Variants in DYM observed in about 807,000 individuals in gnomAD.
DYM encodes dyggve-Melchior-Clausen syndrome protein.
Under a neutral mutation model 93.1 loss-of-function variants are expected in DYM, and 78 were observed. That is an observed-to-expected ratio of 0.84 (90% CI 0.70 to 1.01). The LOEUF is 1.01. Among genes scored for constraint, DYM ranks in the 50% least tolerant of loss-of-function variants. The pLI is 0.00. For missense variants in DYM, 789 were observed against 845.0 expected, an observed-to-expected ratio of 0.93 and a Z score of 0.82; for synonymous variants, 321 against 319.7, an observed-to-expected ratio of 1.00 and a Z score of -0.04.
chr18:49,286,307 T>TC, intron 9 of DYM, 127 bp downstream of exon 9: 1 of 1,089,140 alleles, frequency 9.2e-7, no homozygotes, highest in East Asian at 2.4e-5. Flanking sequence ...CTAAAGTTTT[T>TC]CTCATGTTTG....
intron 14 of DYM, among the ~76,000 whole-genome samples, chr18:49,187,855 C>A (rs951979409): frequency 2.0e-5 from 3 of 152,122 alleles, no homozygotes; most frequent in Non-Finnish European, 2.9e-5. Context: ...CATATGGCTT[C>A]TTTATGCTAA....
At chr18:49,262,436 T>C (rs1438767787) in intron 11 of DYM, among the ~76,000 whole-genome samples, 2 of 152,170 alleles carry the variant, frequency 1.3e-5, no homozygotes, top group African/African-American at 4.8e-5. Context: ...CTAAGTATCT[T>C]TCATTTATAT....
intron 2 of DYM, among the ~76,000 whole-genome samples, chr18:49,416,441 A>G (rs2072997752): frequency 6.6e-6 from 1 of 152,188 alleles, no homozygotes; most frequent in African/African-American, 2.4e-5. Context: ...TAGCAAAACA[A>G]TTCCTCTGGA....
chr18:49,445,962 T>G (rs980687747), intron 1 of DYM, among the ~76,000 whole-genome samples: 2 of 152,146 alleles, frequency 1.3e-5, no homozygotes, highest in Non-Finnish European at 2.9e-5. Flanking sequence ...AGAATTCTTA[T>G]ATACCTATAC....
intron 5 of DYM, among the ~76,000 whole-genome samples, chr18:49,368,399 C>T (rs1429337537): frequency 6.6e-6 from 1 of 152,138 alleles, no homozygotes; most frequent in African/African-American, 2.4e-5. Context: ...TCTGCAGATA[C>T]AGATTACAAG....
At chr18:49,131,337 T>C (rs554514575) in intron 15 of DYM, among the ~76,000 whole-genome samples, 4 of 146,836 alleles carry the variant, frequency 2.7e-5, no homozygotes, top group African/African-American at 9.7e-5. Context: ...CTGCCTCTTC[T>C]TTGTTTTTTG....
At chr18:49,317,577 CT>C (rs1279866751) in intron 8 of DYM, among the ~76,000 whole-genome samples, 8 of 11,726 alleles carry the variant, frequency 6.8e-4, no homozygotes, top group African/African-American at 4.7e-3. Flanking sequence ...CTCTCTCTCT[CT>C]CTCTCTCTCT....
intron 15 of DYM, among the ~76,000 whole-genome samples, chr18:49,120,406 A>G (rs2082281774): frequency 6.6e-6 from 1 of 152,206 alleles, no homozygotes. Flanking sequence ...ACGTAAGTCA[A>G]AAGAAAGCAG....
intron 14 of DYM, among the ~76,000 whole-genome samples, chr18:49,197,539 A>G (rs868434429): frequency 3.9e-5 from 6 of 152,048 alleles, no homozygotes; most frequent in South Asian, 2.1e-4. Flanking sequence ...GAAAAAAAGA[A>G]AAACCCCAAA....
At chr18:49,118,676 G>T (rs1481941690) in intron 16 of DYM, 68 bp downstream of exon 16, 1 of 1,407,126 alleles carries the variant, frequency 7.1e-7, no homozygotes, top group Admixed American at 1.7e-5. Flanking sequence ...TCTTACCAAG[G>T]CTTATTAAAC....
intron 8 of DYM, among the ~76,000 whole-genome samples, chr18:49,289,475 G>A (rs1193679869): frequency 6.8e-6 from 1 of 146,360 alleles, no homozygotes; most frequent in African/African-American, 2.5e-5. Flanking sequence ...GCTGAGGCAG[G>A]AGGACTGCTT....
At chr18:49,458,646 G>A (rs146916278) in intron 1 of DYM, among the ~76,000 whole-genome samples, 9 of 152,072 alleles carry the variant, frequency 5.9e-5, no homozygotes, top group African/African-American at 2.2e-4. Flanking sequence ...TGACCAGCCT[G>A]AGCAACATGA....
chr18:49,358,561 T>C (rs958148213), intron 6 of DYM, among the ~76,000 whole-genome samples: 27 of 152,144 alleles, frequency 1.8e-4, no homozygotes, highest in Non-Finnish European at 8.8e-5. Flanking sequence ...CGAAAAAAAC[T>C]ACAAAAAGTT....
chr18:49,162,446 C>T (rs1033034244), intron 15 of DYM, among the ~76,000 whole-genome samples: 2 of 152,158 alleles, frequency 1.3e-5, no homozygotes, highest in African/African-American at 4.8e-5. Flanking sequence ...CTCTCTTCCT[C>T]TTCTTATAAA....
intron 17 of DYM, among the ~76,000 whole-genome samples, chr18:49,089,073 C>T (rs1027062755): frequency 2.6e-5 from 4 of 152,168 alleles, no homozygotes; most frequent in African/African-American, 9.7e-5. Flanking sequence ...GCTGGGATTA[C>T]AGGTATGAGT....
At chr18:49,287,306 CGA>C (rs1012923378) in intron 8 of DYM, among the ~76,000 whole-genome samples, 2 of 150,394 alleles carry the variant, frequency 1.3e-5, no homozygotes, top group African/African-American at 4.9e-5. Flanking sequence ...ATGGTCATCT[CGA>C]GAGTTTCCAC....
chr18:49,401,881 C>G (rs1158839138), intron 2 of DYM, among the ~76,000 whole-genome samples: 1 of 151,970 alleles, frequency 6.6e-6, no homozygotes, highest in Admixed American at 6.6e-5. Context: ...CAAAAATTAG[C>G]TGAGTGTGGT....
At position 49,257,002 on chromosome 18, in the gene DYM, A is replaced by G. The variant is rs1175598571; in HGVS notation, c.1460+8T>C. On this transcript the variant is annotated splice_region_variant and intron_variant, in intron 13 of 17. Transcript: ENST00000675505. Reference sequence around the variant, plus strand: ...CAAATCAGTATTTCTTTTAAAGTTCATATTTACCTGATGATCCTCTGGGCA... The same window carrying G: ...CAAATCAGTATTTCTTTTAAAGTTCGTATTTACCTGATGATCCTCTGGGCA... The G allele has an allele frequency of 2.5e-6, 4 of 1,608,390 alleles. No homozygotes were observed. In the Admixed American group the frequency reaches 5.0e-5, roughly 20 times the overall value.
At position 49,111,078 on chromosome 18, in the gene DYM, A is replaced by G. The variant is rs2081343815; in HGVS notation, c.1911+7666T>C. On this transcript the variant is annotated intron_variant, in intron 16 of 17. Transcript: ENST00000675505. ...CATCTCTCTCTGGAACTGTTTATAT[A>G]TGTTGTCACCTTTTCCCCCAGGACA... 2.0e-5 allele frequency among the ~76,000 whole-genome samples: 3 copies of G among 152,020 alleles called. No homozygotes were observed. In the South Asian group the frequency reaches 6.2e-4, roughly 32 times the overall value.
Sources: gnomAD v4.1 joint callset for allele counts (sites outside exome capture counted in the v4.1 genomes callset) on GRCh38, gnomAD v4.1.1 for gene constraint, MANE v1.5 for transcripts, NCBI Gene and HGNC (gene_info 2026-07-23, HGNC 2026-07-21) for gene names.